Variants in NBAS observed in about 807,000 individuals in gnomAD.
The protein encoded by NBAS is NBAS subunit of NRZ tethering complex, also known as NAG/BC035112 fusion.
NBAS carries 219 observed loss-of-function variants against 302.5 expected under a neutral mutation model. That is an observed-to-expected ratio of 0.72 (90% CI 0.65 to 0.81). NBAS has a LOEUF of 0.81. NBAS is among the 30% of genes least tolerant of loss of function. The pLI is 0.00. For synonymous variants in NBAS, 1,118 were observed against 1,021.6 expected, an observed-to-expected ratio of 1.09 and a Z score of -1.80; for missense variants, 2,932 against 2,841.6, an observed-to-expected ratio of 1.03 and a Z score of -0.72.
the NBAS span, among the ~76,000 whole-genome samples, chr2:15,144,029 ATAT>A: frequency 7.9e-6 from 1 of 126,756 alleles, no homozygotes; most frequent in Non-Finnish European, 1.6e-5. Context: ...CTATATATAT[ATAT>A]TATCCTATAT....
intron 23 of NBAS, among the ~76,000 whole-genome samples, chr2:15,423,601 A>G (rs1677312846): frequency 6.6e-6 from 1 of 152,178 alleles, no homozygotes; most frequent in Non-Finnish European, 1.5e-5. Context: ...ACCTGGATTC[A>G]CCTTTCCTGT....
At chr2:15,199,112 G>A (rs1665756222) in intron 48 of NBAS, among the ~76,000 whole-genome samples, 1 of 111,912 alleles carries the variant, frequency 8.9e-6, no homozygotes, top group Admixed American at 1.2e-4. Context: ...GGGCGACAGA[G>A]TAAGACTCCA....
chr2:15,371,627 AC>A (rs1322878308), intron 31 of NBAS, among the ~76,000 whole-genome samples: 3 of 152,174 alleles, frequency 2.0e-5, no homozygotes, highest in African/African-American at 7.2e-5. Flanking sequence ...CAGAATGTAA[AC>A]TCACACATGA....
intron 21 of NBAS, among the ~76,000 whole-genome samples, chr2:15,460,955 T>A (rs1013417807): frequency 1.3e-5 from 2 of 152,122 alleles, no homozygotes; most frequent in African/African-American, 4.8e-5. Flanking sequence ...ACATACTGAA[T>A]ACACAGAAGT....
chr2:14,815,553 T>C, the NBAS span, among the ~76,000 whole-genome samples: 30 of 152,214 alleles, frequency 2.0e-4, no homozygotes, highest in African/African-American at 7.2e-4. Context: ...CTCAATACAA[T>C]GCTCAGCCTC....
chr2:14,921,706 AGTGTGTGTGTGATTGTAT>A, the NBAS span, among the ~76,000 whole-genome samples: 22 of 152,050 alleles, frequency 1.4e-4, no homozygotes, highest in Non-Finnish European at 3.2e-4. Flanking sequence ...TGAATAAGCG[AGTGTGTGTGTGATTGTAT>A]GTGTGTGTGT....
At chr2:15,034,410 G>C in the NBAS span, among the ~76,000 whole-genome samples, 1 of 152,004 alleles carries the variant, frequency 6.6e-6, no homozygotes, top group Non-Finnish European at 1.5e-5. Flanking sequence ...CCAGAAGAGG[G>C]CCCTCACCAG....
At chr2:15,332,484 C>T (rs1672396968) in intron 35 of NBAS, among the ~76,000 whole-genome samples, 1 of 151,786 alleles carries the variant, frequency 6.6e-6, no homozygotes, top group African/African-American at 2.4e-5. Context: ...TACAATTTAC[C>T]CAACTGGCTG....
At position 15,475,738 on chromosome 2, in the gene NBAS, T is replaced by C. The variant is rs1680162084; in HGVS notation, c.1290A>G (p.Glu430=). Residue 430 remains glutamate, a synonymous_variant, in exon 14 of 52, where the codon GAA becomes GAG. Coordinates refer to ENST00000281513, the MANE Select transcript of NBAS (RefSeq NM_015909.4). ...GGGTAGCAGTGACTTGAGGTGATGG[T>C]TCAAACCATTCACAGGATTTTCCCA... The part of the protein sequence containing the change: ...NLLGKSCEWF[E]PSPQVTATHD... The C allele has an allele frequency of 6.2e-7, 1 of 1,613,978 alleles. No homozygotes were observed. Among genetic ancestry groups the C allele is most frequent in the African/African-American group, 1.3e-5 (1 of 74,910 alleles).
the NBAS span, among the ~76,000 whole-genome samples, chr2:15,050,298 T>C: frequency 6.6e-6 from 1 of 152,162 alleles, no homozygotes; most frequent in East Asian, 1.9e-4. Context: ...TTTTCTTTCC[T>C]TCTTTCTTCT....
At chr2:15,137,729 C>A in the NBAS span, among the ~76,000 whole-genome samples, 1 of 152,126 alleles carries the variant, frequency 6.6e-6, no homozygotes, top group Admixed American at 6.5e-5. Flanking sequence ...TACTTCTGTA[C>A]CCCTGAGAGG....
intron 47 of NBAS, among the ~76,000 whole-genome samples, chr2:15,220,917 G>A (rs921200722): frequency 6.6e-6 from 1 of 151,924 alleles, no homozygotes; most frequent in African/African-American, 2.4e-5. Flanking sequence ...ATGTCTTTCA[G>A]TATGTATTAT....
chr2:15,360,992 G>A (rs1192277826), intron 32 of NBAS, among the ~76,000 whole-genome samples: 2 of 152,110 alleles, frequency 1.3e-5, no homozygotes, highest in African/African-American at 2.4e-5. Flanking sequence ...CAAGAATTAT[G>A]TACCAACATA....
the NBAS span, among the ~76,000 whole-genome samples, chr2:15,020,992 T>C: frequency 6.6e-6 from 1 of 152,092 alleles, no homozygotes; most frequent in African/African-American, 2.4e-5. Flanking sequence ...AGCACTTTGG[T>C]AGGCCGAGGC....
intron 5 of NBAS, among the ~76,000 whole-genome samples, chr2:15,552,353 T>A (rs1465838959): frequency 6.6e-6 from 1 of 152,238 alleles, no homozygotes; most frequent in Non-Finnish European, 1.5e-5. Context: ...AGGTTTCAAC[T>A]ATGCAGGTCC....
At chr2:14,818,867 A>G in the NBAS span, among the ~76,000 whole-genome samples, 1 of 151,916 alleles carries the variant, frequency 6.6e-6, no homozygotes, top group Non-Finnish European at 1.5e-5. Flanking sequence ...AACTTGAAAT[A>G]TTTTTGTATT....
the NBAS span, among the ~76,000 whole-genome samples, chr2:14,945,103 C>G: frequency 2.0e-5 from 3 of 152,172 alleles, no homozygotes; most frequent in African/African-American, 7.2e-5. Flanking sequence ...ACCAAGCTGC[C>G]GGAGGTTTAT....
chr2:15,256,913 G>C (rs1283907722), intron 44 of NBAS, among the ~76,000 whole-genome samples: 1 of 152,132 alleles, frequency 6.6e-6, no homozygotes, highest in African/African-American at 2.4e-5. Flanking sequence ...AAACCCATTT[G>C]ATTATGCAGT....
At chr2:15,514,141 A>G (rs1662276590) in intron 9 of NBAS, among the ~76,000 whole-genome samples, 1 of 152,234 alleles carries the variant, frequency 6.6e-6, no homozygotes, top group Non-Finnish European at 1.5e-5. Context: ...ATAAAATAAT[A>G]TGCTGTCCAG....
Sources: allele counts gnomAD v4.1 joint callset (sites outside exome capture counted in the v4.1 genomes callset), GRCh38; gene constraint gnomAD v4.1.1; transcripts MANE v1.5; gene names NCBI Gene and HGNC (gene_info 2026-07-23, HGNC 2026-07-21).